The following RAD51B variants were observed in gnomAD, a reference collection of about 807,000 sequenced individuals.
RAD51B encodes RAD51 paralog B, also known as DNA repair protein RAD51 homolog 2.
Under a neutral mutation model 42.2 loss-of-function variants are expected in RAD51B, and 38 were observed. The ratio of observed to expected loss-of-function variants is 0.90; its 90% CI spans 0.70 to 1.18. The LOEUF (loss-of-function observed/expected upper bound fraction) is 1.18. Among genes scored for constraint, RAD51B ranks in the 50% most tolerant of loss-of-function variants. The pLI, the probability that RAD51B is intolerant of heterozygous loss-of-function variation, is 0.00. For missense variants in RAD51B, 373 were observed against 400.7 expected (o/e 0.93, Z 0.59); for synonymous variants, 154 against 145.2 (o/e 1.06, Z -0.43).
intron 8 of RAD51B, among the ~76,000 whole-genome samples, chr14:68,356,558 A>T (rs75037904): frequency 1.4e-5 from 2 of 146,454 alleles, no homozygotes; most frequent in East Asian, 2.0e-4. Context: ...AAAAAAAAAA[A>T]TGCTAGGGAT....
chr14:68,149,378 A>T (rs2078325725), intron 7 of RAD51B, among the ~76,000 whole-genome samples: 2 of 152,186 alleles, frequency 1.3e-5, no homozygotes, highest in Admixed American at 1.3e-4. Flanking sequence ...TCTTTCTGAA[A>T]GGTGTAAGGT....
intron 8 of RAD51B, among the ~76,000 whole-genome samples, chr14:68,326,647 A>G (rs2082257777): frequency 6.6e-6 from 1 of 152,240 alleles, no homozygotes; most frequent in Non-Finnish European, 1.5e-5. Context: ...TCTAATACAA[A>G]TAGTAGTAAA....
chr14:67,996,600 A>G (rs144082068), intron 7 of RAD51B, among the ~76,000 whole-genome samples: 19 of 152,306 alleles, frequency 1.2e-4, no homozygotes, highest in African/African-American at 4.1e-4. Context: ...AGGAACTCCA[A>G]GGAAGCCAAT....
Position 68,008,567 on chromosome 14 carries a change from TCTAA to T in RAD51B, c.756+121367_756+121370del, listed in dbSNP as rs377591044. On this transcript the variant is annotated intron_variant, in intron 7 of 10. Transcript: ENST00000471583. Reference sequence around the variant, plus strand: ...TTTTAAGATTAAATATGTATTGCTCTCTAACTAGGGAAAGAAGTAAAATAATTAT... The same window carrying T: ...TTTTAAGATTAAATATGTATTGCTCTCTAGGGAAAGAAGTAAAATAATTAT... Among the ~76,000 whole-genome samples the T allele has an allele frequency of 4.5e-3, 680 of 152,154 alleles. 7 individuals are homozygous for T. The highest frequency in any genetic ancestry group is 0.016 in the African/African-American group (646 of 41,556).
intron 7 of RAD51B, among the ~76,000 whole-genome samples, chr14:68,184,036 T>C (rs2079105879): frequency 7.0e-6 from 1 of 143,186 alleles, no homozygotes; most frequent in African/African-American, 2.7e-5. Context: ...GAGCTTGCAG[T>C]GAGCGGAGAT....
chr14:68,328,219 T>C (rs1331305655), intron 8 of RAD51B, among the ~76,000 whole-genome samples: 1 of 152,212 alleles, frequency 6.6e-6, no homozygotes, highest in Admixed American at 6.5e-5. Flanking sequence ...ATGCTTTTTC[T>C]TAGATCTATG....
chr14:68,364,593 AT>A (rs2083102943), intron 8 of RAD51B, among the ~76,000 whole-genome samples: 1 of 152,066 alleles, frequency 6.6e-6, no homozygotes, highest in African/African-American at 2.4e-5. Flanking sequence ...CTCTGAGGTC[AT>A]TTGTTTCCCA....
intron 7 of RAD51B, among the ~76,000 whole-genome samples, chr14:67,980,985 G>T (rs574659200): frequency 7.2e-5 from 11 of 152,088 alleles, no homozygotes; most frequent in African/African-American, 2.7e-4. Flanking sequence ...TTATGATAAA[G>T]GACTTATATT....
At chr14:67,972,081 A>G (rs997061712) in intron 7 of RAD51B, among the ~76,000 whole-genome samples, 2 of 150,740 alleles carry the variant, frequency 1.3e-5, no homozygotes, top group African/African-American at 4.9e-5. Context: ...AATAATCCTA[A>G]CCCTTGTACT....
intron 9 of RAD51B, among the ~76,000 whole-genome samples, chr14:68,432,716 C>T (rs962081770): frequency 2.0e-5 from 3 of 152,190 alleles, no homozygotes; most frequent in African/African-American, 4.8e-5. Flanking sequence ...ACTTGCCAGT[C>T]TGTGTCTTTT....
intron 10 of RAD51B, among the ~76,000 whole-genome samples, chr14:68,646,319 T>C (rs1892563679): frequency 6.6e-6 from 1 of 152,202 alleles, no homozygotes; most frequent in Non-Finnish European, 1.5e-5. Flanking sequence ...TGGGAAATGA[T>C]CATTTACAAA....
At chr14:68,321,726 A>G (rs2082160613) in intron 8 of RAD51B, among the ~76,000 whole-genome samples, 1 of 152,194 alleles carries the variant, frequency 6.6e-6, no homozygotes, top group South Asian at 2.1e-4. Context: ...GGATTCAGTT[A>G]GTTAATTTTT....
chr14:68,072,905 A>G (rs1346912123), intron 7 of RAD51B, among the ~76,000 whole-genome samples: 1 of 152,172 alleles, frequency 6.6e-6, no homozygotes, highest in Non-Finnish European at 1.5e-5. Context: ...TGTGGTTGGT[A>G]TAATTTCGGT....
downstream of RAD51B, among the ~76,000 whole-genome samples, chr14:68,479,921 A>G (rs1287549165): frequency 6.6e-6 from 1 of 151,938 alleles, no homozygotes; most frequent in Non-Finnish European, 1.5e-5. Flanking sequence ...TTCCAGGCTC[A>G]AGCCACCTTC....
intron 10 of RAD51B, among the ~76,000 whole-genome samples, chr14:68,521,005 G>T (rs1269048630): frequency 6.6e-6 from 1 of 152,158 alleles, no homozygotes; most frequent in African/African-American, 2.4e-5. Flanking sequence ...GGCACATGGA[G>T]CGTTTTGTTT....
At chr14:67,886,727 G>A (rs929126661) in intron 6 of RAD51B, 6 of 274,286 alleles carry the variant, frequency 2.2e-5, no homozygotes, top group Non-Finnish European at 4.1e-5. Flanking sequence ...AGAGGAGGGA[G>A]TAAGTGTGGG....
At chr14:67,841,492 C>G (rs953139222) in intron 4 of RAD51B, among the ~76,000 whole-genome samples, 8 of 152,088 alleles carry the variant, frequency 5.3e-5, no homozygotes, top group African/African-American at 1.9e-4. Context: ...AGTTCTTTGC[C>G]AAGGCTGATG....
At chr14:67,856,831 A>G (rs117425020) in intron 4 of RAD51B, among the ~76,000 whole-genome samples, 2,946 of 146,278 alleles carry the variant, frequency 0.02, 36 homozygotes, top group Non-Finnish European at 0.03. Flanking sequence ...TTTGAGTGAT[A>G]TTCACTACTG....
intron 7 of RAD51B, among the ~76,000 whole-genome samples, chr14:68,212,763 C>A (rs576360860): frequency 6.6e-5 from 10 of 152,136 alleles, no homozygotes; most frequent in African/African-American, 2.4e-4. Flanking sequence ...TGAATGATTA[C>A]GTGTGAGAAA....
Sources: gnomAD v4.1 joint callset for allele counts (sites outside exome capture counted in the v4.1 genomes callset) on GRCh38, gnomAD v4.1.1 for gene constraint, MANE v1.5 for transcripts, NCBI Gene and HGNC (gene_info 2026-07-23, HGNC 2026-07-21) for gene names.